MMP16: variants seen among roughly 807,000 people sequenced by gnomAD.
MMP16 encodes matrix metalloproteinase-16.
A neutral mutation model predicts 67.8 loss-of-function variants in MMP16; 12 were observed. That is an observed-to-expected ratio of 0.18 (90% CI 0.11 to 0.29). The LOEUF (loss-of-function observed/expected upper bound fraction) is 0.29, where lower values mean the gene tolerates loss of function less well. MMP16 is among the 10% of genes least tolerant of loss of function. The pLI, the probability that MMP16 is intolerant of heterozygous loss-of-function variation, is 1.00. For synonymous variants in MMP16, 249 were observed against 255.9 expected (o/e 0.97, Z 0.26); for missense variants, 475 against 765.7 (o/e 0.62, Z 4.48).
At chr8:88,232,913 T>C (rs183611716) in intron 1 of MMP16, among the ~76,000 whole-genome samples, 3 of 152,146 alleles carry the variant, frequency 2.0e-5, no homozygotes, top group East Asian at 3.9e-4. Context: ...TATTCACATA[T>C]GTACTTCCTA....
At chr8:88,220,416 C>T (rs1809663061) in intron 1 of MMP16, among the ~76,000 whole-genome samples, 1 of 152,066 alleles carries the variant, frequency 6.6e-6, no homozygotes, top group Non-Finnish European at 1.5e-5. Context: ...GTCTGTATGT[C>T]TAGATTCTGC....
chr8:88,096,097 T>G (rs914933388), intron 6 of MMP16, among the ~76,000 whole-genome samples: 1 of 151,962 alleles, frequency 6.6e-6, no homozygotes, highest in Admixed American at 6.6e-5. Context: ...CCCAGAGAGC[T>G]TGAAAGAAGA....
intron 3 of MMP16, among the ~76,000 whole-genome samples, chr8:88,176,078 G>A (rs912938388): frequency 2.6e-5 from 4 of 152,070 alleles, no homozygotes; most frequent in Admixed American, 2.6e-4. Flanking sequence ...AGGTAGTATT[G>A]TTACAATATT....
At chr8:88,269,777 A>G (rs1196076505) in intron 1 of MMP16, among the ~76,000 whole-genome samples, 2 of 152,162 alleles carry the variant, frequency 1.3e-5, no homozygotes, top group Non-Finnish European at 2.9e-5. Context: ...ACCTATTAAA[A>G]TATTTTCGTA....
chr8:88,083,638 G>T (rs964164110), intron 6 of MMP16, among the ~76,000 whole-genome samples: 19 of 152,066 alleles, frequency 1.2e-4, no homozygotes, highest in African/African-American at 3.9e-4. Flanking sequence ...CAAAGGGAAA[G>T]AATTAACTAT....
intron 7 of MMP16, among the ~76,000 whole-genome samples, chr8:88,072,233 G>C (rs1413475452): frequency 6.6e-6 from 1 of 152,002 alleles, no homozygotes; most frequent in Non-Finnish European, 1.5e-5. Context: ...TTTTGATTGT[G>C]ATTGTTGTGG....
chr8:88,232,233 T>C (rs1452100536), intron 1 of MMP16, among the ~76,000 whole-genome samples: 1 of 152,200 alleles, frequency 6.6e-6, no homozygotes, highest in Non-Finnish European at 1.5e-5. Flanking sequence ...AAAGTGATTT[T>C]GTAAGAAATT....
intron 1 of MMP16, among the ~76,000 whole-genome samples, chr8:88,273,232 G>A (rs928665700): frequency 1.4e-5 from 2 of 147,810 alleles, no homozygotes; most frequent in Non-Finnish European, 3.0e-5. Flanking sequence ...CTACAGGCAC[G>A]TGCCACCATG....
Position 88,106,220 on chromosome 8 carries a change from G to C in MMP16, c.1083+10287C>G, listed in dbSNP as rs1054143752. 2.6e-5 allele frequency among the ~76,000 whole-genome samples: 4 copies of C among 151,150 alleles called. No individual in the cohort carries two copies. In the East Asian group the frequency reaches 7.8e-4, roughly 29 times the overall value. ...AGGGATAATTTGTATCTGGGTATGA[G>C]TGTGTATCTGGGTATACATAGGAAT... On this transcript the variant is annotated intron_variant, in intron 6 of 9. Transcript: ENST00000286614.
At chr8:88,094,090 T>C (rs1477005132) in intron 6 of MMP16, among the ~76,000 whole-genome samples, 1 of 151,870 alleles carries the variant, frequency 6.6e-6, no homozygotes, top group Non-Finnish European at 1.5e-5. Context: ...CTCTTTATTT[T>C]ACATATAACA....
chr8:88,187,440 C>T (rs376481240), intron 2 of MMP16, among the ~76,000 whole-genome samples: 3 of 151,934 alleles, frequency 2.0e-5, no homozygotes, highest in African/African-American at 4.8e-5. Flanking sequence ...TTCTTTAGTG[C>T]GTTATAAAGT....
chr8:88,081,821 A>G (rs1808755861), intron 6 of MMP16, among the ~76,000 whole-genome samples: 1 of 152,144 alleles, frequency 6.6e-6, no homozygotes, highest in Non-Finnish European at 1.5e-5. Context: ...TGACAAAAGC[A>G]TTTGTTGCTC....
At chr8:88,190,692 T>C (rs1191949490) in intron 2 of MMP16, among the ~76,000 whole-genome samples, 2 of 152,320 alleles carry the variant, frequency 1.3e-5, no homozygotes, top group African/African-American at 4.8e-5. Flanking sequence ...ACTATATCTA[T>C]ATCCACATAC....
intron 1 of MMP16, among the ~76,000 whole-genome samples, chr8:88,316,398 G>A (rs1811375086): frequency 6.6e-6 from 1 of 152,102 alleles, no homozygotes; most frequent in African/African-American, 2.4e-5. Flanking sequence ...AGGTAATGCA[G>A]CTGGCAACTT....
intron 1 of MMP16, among the ~76,000 whole-genome samples, chr8:88,304,858 G>T (rs1311873157): frequency 1.3e-5 from 2 of 152,158 alleles, no homozygotes; most frequent in African/African-American, 4.8e-5. Context: ...AAAGTATATA[G>T]ACCAGTGACA....
intron 9 of MMP16, among the ~76,000 whole-genome samples, chr8:88,045,621 C>T (rs556852049): frequency 6.6e-6 from 1 of 152,242 alleles, no homozygotes; most frequent in Admixed American, 6.5e-5. Context: ...CCACCTCAGC[C>T]TCCCAGGTGT....
intron 6 of MMP16, among the ~76,000 whole-genome samples, chr8:88,097,148 G>C (rs903364763): frequency 6.6e-6 from 1 of 151,804 alleles, no homozygotes; most frequent in African/African-American, 2.4e-5. Context: ...TATAACTTTG[G>C]TAAGAGTTTT....
chr8:88,088,224 T>C lies in MMP16; in HGVS notation c.1084-13481A>G, dbSNP rs961733622. The stretch of plus-strand genomic sequence containing the variant: ...TGAGCAAATGGTTGTGTTAAGCCCC[T>C]ATAGATATATATAGATATCTATAGA... On this transcript the variant is annotated intron_variant, in intron 6 of 9. Transcript: ENST00000286614. 2.0e-5 allele frequency among the ~76,000 whole-genome samples: 3 copies of C among 150,498 alleles called. No homozygotes were observed. The Admixed American group carries it at 2.0e-4, about 10-fold the overall frequency.
rs1475874060 is a variant in MMP16 at position 88,261,772 on chromosome 8, T to TAC, written c.133-64468_133-64467dup. The stretch of plus-strand genomic sequence containing the variant: ...ACATATGCATACATATATGTACATG[T>TAC]ACACACACACACACACACACAACCA... On this transcript the variant is annotated intron_variant, in intron 1 of 9. Coordinates refer to ENST00000286614, the MANE Select transcript of MMP16 (RefSeq NM_005941.5). Among the ~76,000 whole-genome samples, 140 of 149,684 alleles carry TAC rather than the reference T, an allele frequency of 9.4e-4. 1 individual carries two copies. The highest frequency in any genetic ancestry group is 6.9e-3 in the Middle Eastern group (2 of 290).
Sources: gnomAD v4.1 joint callset for allele counts (sites outside exome capture counted in the v4.1 genomes callset) on GRCh38, gnomAD v4.1.1 for gene constraint, MANE v1.5 for transcripts, NCBI Gene and HGNC (gene_info 2026-07-23, HGNC 2026-07-21) for gene names.